LMBRD1: variants seen among roughly 807,000 people sequenced by gnomAD.
LMBRD1 encodes lysosomal cobalamin transport escort protein LMBD1.
Under a neutral mutation model 74.8 loss-of-function variants are expected in LMBRD1, and 64 were observed. The observed-to-expected ratio is 0.86, with a 90% CI of 0.70 to 1.05. The LOEUF is 1.05. LMBRD1 is among the 50% of genes least tolerant of loss of function. LMBRD1 has a pLI of 0.00. For missense variants in LMBRD1, 652 were observed against 645.9 expected (o/e 1.01, Z -0.10); for synonymous variants, 204 against 216.3 (o/e 0.94, Z 0.50).
chr6:69,766,467 T>A (rs990949681), intron 3 of LMBRD1, among the ~76,000 whole-genome samples: 1 of 151,992 alleles, frequency 6.6e-6, no homozygotes, highest in Non-Finnish European at 1.5e-5. Context: ...AATTTCTGGA[T>A]ATTAAAGCAA....
intron 14 of LMBRD1, among the ~76,000 whole-genome samples, chr6:69,679,902 T>C (rs906593269): frequency 5.3e-5 from 8 of 152,268 alleles, no homozygotes; most frequent in African/African-American, 1.9e-4. Flanking sequence ...CTTTTTCCTC[T>C]GCAAGGTATA....
At chr6:69,781,897 G>T (rs1272493251) in intron 2 of LMBRD1, among the ~76,000 whole-genome samples, 1 of 151,974 alleles carries the variant, frequency 6.6e-6, no homozygotes, top group East Asian at 1.9e-4. Flanking sequence ...TTAACATATT[G>T]ATTCTAAAAA....
chr6:69,770,803 G>C (rs1765561093), intron 3 of LMBRD1, among the ~76,000 whole-genome samples: 1 of 152,002 alleles, frequency 6.6e-6, no homozygotes, highest in African/African-American at 2.4e-5. Context: ...TAATGCATCA[G>C]AATGTAATTA....
intron 1 of LMBRD1, among the ~76,000 whole-genome samples, chr6:69,796,091 A>C (rs1766219908): frequency 2.0e-5 from 3 of 152,194 alleles, no homozygotes; most frequent in Admixed American, 2.0e-4. Context: ...CCACTCTGAG[A>C]CATTTCTATC....
intron 9 of LMBRD1, among the ~76,000 whole-genome samples, chr6:69,712,384 C>T (rs1287869928): frequency 6.6e-6 from 1 of 151,348 alleles, no homozygotes; most frequent in African/African-American, 2.4e-5. Flanking sequence ...CTTTAACATA[C>T]TTTCAGAAAC....
intron 14 of LMBRD1, among the ~76,000 whole-genome samples, chr6:69,691,745 G>A (rs1442852351): frequency 6.6e-6 from 1 of 151,732 alleles, no homozygotes; most frequent in Non-Finnish European, 1.5e-5. Context: ...GCGTGGTGGC[G>A]GGTGCCTGTA....
chr6:69,734,346 A>G (rs974298859), intron 7 of LMBRD1, among the ~76,000 whole-genome samples: 1 of 152,152 alleles, frequency 6.6e-6, no homozygotes, highest in East Asian at 1.9e-4. Flanking sequence ...AACGTCATCA[A>G]TGGATTCTTG....
At chr6:69,703,986 CATG>C (rs1582066516) in intron 9 of LMBRD1, among the ~76,000 whole-genome samples, 1 of 152,044 alleles carries the variant, frequency 6.6e-6, no homozygotes, top group African/African-American at 2.4e-5. Context: ...CCTATTTTCT[CATG>C]ATTATATTTA....
chr6:69,679,051 A>AAC (rs1562079980), intron 14 of LMBRD1, among the ~76,000 whole-genome samples: 1 of 138,996 alleles, frequency 7.2e-6, no homozygotes, highest in Non-Finnish European at 1.6e-5. Flanking sequence ...AACAAAAAAA[A>AAC]AAAAACAAAA....
At chr6:69,681,977 C>T (rs1411525761) in intron 14 of LMBRD1, among the ~76,000 whole-genome samples, 2 of 151,670 alleles carry the variant, frequency 1.3e-5, no homozygotes, top group African/African-American at 4.8e-5. Context: ...AGTTAGAAGA[C>T]TATACAACTG....
In LMBRD1 at chr6:69,790,316, T is replaced by C; in HGVS notation, c.226A>G (p.Asn76Asp). Reference protein sequence around the residue: ...VDIFLVSYMKNQNGTFKDWAN... With the variant: ...VDIFLVSYMKDQNGTFKDWAN... ...TTTACCTTAAATGTACCATTTTGATTTTTCATGTAAGAAACCAAAAATATA... is the reference window on the plus strand; with the variant it reads ...TTTACCTTAAATGTACCATTTTGATCTTTCATGTAAGAAACCAAAAATATA... Residue 76 changes from asparagine to aspartate, a missense_variant, in exon 2 of 16, where the codon AAT becomes GAT. Coordinates refer to ENST00000649934, the MANE Select transcript of LMBRD1 (RefSeq NM_018368.4). 1 of 1,611,864 alleles carries C rather than the reference T, an allele frequency of 6.2e-7. No individual in the cohort carries two copies. Among genetic ancestry groups the C allele is most frequent in the South Asian group, 1.1e-5 (1 of 91,032 alleles).
intron 3 of LMBRD1, among the ~76,000 whole-genome samples, chr6:69,768,415 A>G (rs1327172059): frequency 1.3e-5 from 2 of 151,854 alleles, no homozygotes; most frequent in African/African-American, 4.8e-5. Flanking sequence ...ATTTATCACA[A>G]TTTACCTTCA....
At chr6:69,723,337 G>C (rs1766658567) in intron 7 of LMBRD1, among the ~76,000 whole-genome samples, 2 of 152,126 alleles carry the variant, frequency 1.3e-5, no homozygotes, top group African/African-American at 4.8e-5. Flanking sequence ...GACATTTAAA[G>C]AACATTTCAT....
At chr6:69,767,630 G>T (rs981946334) in intron 3 of LMBRD1, among the ~76,000 whole-genome samples, 1 of 151,748 alleles carries the variant, frequency 6.6e-6, no homozygotes, top group Non-Finnish European at 1.5e-5. Flanking sequence ...AGTCTATACT[G>T]AAGAATGTTC....
chr6:69,699,867 C>T (rs1358458426), intron 12 of LMBRD1, among the ~76,000 whole-genome samples: 1 of 151,842 alleles, frequency 6.6e-6, no homozygotes, highest in Admixed American at 6.6e-5. Context: ...TAAGATCATT[C>T]ATAAATTTAC....
At chr6:69,694,020 G>T (rs137904084) in intron 14 of LMBRD1, among the ~76,000 whole-genome samples, 98 of 152,002 alleles carry the variant, frequency 6.4e-4, no homozygotes, top group Non-Finnish European at 2.9e-4. Flanking sequence ...AAATGTTTAA[G>T]AAAAAATATT....
intron 3 of LMBRD1, among the ~76,000 whole-genome samples, chr6:69,766,052 A>C (rs1765469433): frequency 6.6e-6 from 1 of 151,868 alleles, no homozygotes; most frequent in African/African-American, 2.4e-5. Context: ...TAAGACAGTA[A>C]TAATTCTTCT....
chr6:69,784,641 G>T (rs569033053), intron 2 of LMBRD1, among the ~76,000 whole-genome samples: 3 of 152,238 alleles, frequency 2.0e-5, no homozygotes, highest in Non-Finnish European at 2.9e-5. Flanking sequence ...TGACTTAGAG[G>T]TCTCTAAAAT....
At chr6:69,722,303 A>G (rs1257000279) in intron 7 of LMBRD1, among the ~76,000 whole-genome samples, 1 of 152,196 alleles carries the variant, frequency 6.6e-6, no homozygotes, top group African/African-American at 2.4e-5. Context: ...GAGTTCTTCA[A>G]TCTGAAACAA....
Sources: gnomAD v4.1 joint callset for allele counts (sites outside exome capture counted in the v4.1 genomes callset) on GRCh38, gnomAD v4.1.1 for gene constraint, MANE v1.5 for transcripts, NCBI Gene and HGNC (gene_info 2026-07-23, HGNC 2026-07-21) for gene names.